VTA1: variants seen among roughly 807,000 people sequenced by gnomAD.
VTA1 encodes the protein vesicle trafficking 1.
VTA1 carries 24 observed loss-of-function variants against 36.9 expected under a neutral mutation model. The observed-to-expected ratio is 0.65, with a 90% CI of 0.47 to 0.91. VTA1 has a LOEUF of 0.91. Ranked by LOEUF, VTA1 falls within the 40% of genes least tolerant of loss-of-function variation. The probability of loss-of-function intolerance (pLI) is 0.00; values close to 1 mark genes in which losing one functional copy is unlikely to be tolerated. For missense variants in VTA1, 393 were observed against 377.2 expected (o/e 1.04, Z -0.35); for synonymous variants, 142 against 130.2 (o/e 1.09, Z -0.62).
intron 7 of VTA1, among the ~76,000 whole-genome samples, chr6:142,209,599 C>CA (rs1361299310): frequency 1.4e-5 from 2 of 142,058 alleles, no homozygotes; most frequent in African/African-American, 5.2e-5. Context: ...GAATGTAATA[C>CA]AAAAAATGTA....
intron 1 of VTA1, among the ~76,000 whole-genome samples, chr6:142,164,920 C>A (rs1411296538): frequency 6.6e-6 from 1 of 152,168 alleles, no homozygotes; most frequent in Admixed American, 6.5e-5. Flanking sequence ...ATATCCCTGT[C>A]ATCATGGAGT....
chr6:142,198,715 A>G, intron 6 of VTA1, 100 bp downstream of exon 6: 2 of 1,166,992 alleles, frequency 1.7e-6, no homozygotes, highest in Non-Finnish European at 2.3e-6. Context: ...TCATGAAAAC[A>G]TGACAAGTTC....
chr6:142,157,419 T>A (rs1778681913), intron 1 of VTA1, among the ~76,000 whole-genome samples: 1 of 152,222 alleles, frequency 6.6e-6, no homozygotes, highest in South Asian at 2.1e-4. Flanking sequence ...AATGTTGGAC[T>A]ACTGATTTAT....
chr6:142,218,355 C>CA, intron 7 of VTA1, 143 bp from the exon 8 acceptor site: 1 of 803,680 alleles, frequency 1.2e-6, no homozygotes, highest in Non-Finnish European at 1.9e-6. Flanking sequence ...GAAAATGTAT[C>CA]AAAGTTCATG....
chr6:142,159,522 ATTATT>A (rs1403019782), intron 1 of VTA1, among the ~76,000 whole-genome samples: 1 of 128,856 alleles, frequency 7.8e-6, no homozygotes, highest in East Asian at 2.3e-4. Context: ...TATTATTATT[ATTATT>A]ATTTTGAGAC....
intron 7 of VTA1, among the ~76,000 whole-genome samples, 155 bp from the exon 8 acceptor site, chr6:142,218,343 A>G (rs535803122): frequency 4.7e-4 from 71 of 152,340 alleles, no homozygotes; most frequent in Middle Eastern, 3.4e-3. Context: ...GAAAAGAATG[A>G]AGAAAATGTA....
intron 7 of VTA1, among the ~76,000 whole-genome samples, chr6:142,215,474 A>G (rs1775989979): frequency 6.6e-6 from 1 of 152,056 alleles, no homozygotes; most frequent in Non-Finnish European, 1.5e-5. Context: ...ATTAAGTGAT[A>G]TAATATCTGA....
At chr6:142,165,811 C>T (rs771498060) in intron 1 of VTA1, among the ~76,000 whole-genome samples, 7 of 152,076 alleles carry the variant, frequency 4.6e-5, no homozygotes, top group African/African-American at 1.7e-4. Flanking sequence ...TTTCTATAAA[C>T]CTCAGTTCAA....
chr6:142,168,329 G>A (rs1774960373), intron 2 of VTA1, among the ~76,000 whole-genome samples: 2 of 151,558 alleles, frequency 1.3e-5, no homozygotes, highest in South Asian at 2.1e-4. Context: ...TTAAATTTCA[G>A]CATTAAATCT....
intron 3 of VTA1, 30 bp downstream of exon 3, chr6:142,169,707 T>C: frequency 6.7e-7 from 1 of 1,500,432 alleles, no homozygotes; most frequent in Non-Finnish European, 8.8e-7. Context: ...AAAATTATTT[T>C]ATTAATTTTG....
At chr6:142,202,329 CTT>C (rs1305478201) in intron 6 of VTA1, among the ~76,000 whole-genome samples, 1 of 151,808 alleles carries the variant, frequency 6.6e-6, no homozygotes, top group Non-Finnish European at 1.5e-5. Context: ...TGCATTTATA[CTT>C]TTATACAGTT....
In VTA1 at chr6:142,178,094, A is replaced by G. The variant is rs201810117; in HGVS notation, c.411+7673A>G. Among the ~76,000 whole-genome samples the G allele has an allele frequency of 4.6e-5, 7 of 152,296 alleles. No homozygotes were observed. The East Asian group carries it at 1.2e-3, about 25-fold the overall frequency. On this transcript the variant is annotated intron_variant, in intron 4 of 7. Coordinates refer to ENST00000367630, the MANE Select transcript of VTA1 (RefSeq NM_016485.5). ...ACAGATTCAAGAAGCACAGTGGACA[A>G]TTAGGTTAATATAAAGGAAATCACA... is the stretch of plus-strand genomic sequence containing the variant.
intron 1 of VTA1, among the ~76,000 whole-genome samples, chr6:142,160,302 C>G (rs1774776266): frequency 6.6e-6 from 1 of 152,190 alleles, no homozygotes; most frequent in African/African-American, 2.4e-5. Flanking sequence ...TCTTCACTCT[C>G]TCTGGTTGGA....
In VTA1 at chr6:142,222,230, T is replaced by C. The variant is rs1776126237; in HGVS notation, c.*3587T>C. On this transcript the variant is annotated 3_prime_UTR_variant, in exon 8 of 8. Transcript: ENST00000367630. The stretch of plus-strand genomic sequence containing the variant: ...AAAGTTGCCGAATTCCTCTCTCACT[T>C]AGACTGAAGTACAATGTTTCCAAGT... The C allele has an allele frequency of 6.6e-6, 1 of 152,142 alleles. No homozygotes were observed. The highest frequency in any genetic ancestry group is 2.1e-4 in the South Asian group (1 of 4,824). 9.4% of individuals were successfully genotyped at this position (152,142 alleles called of 1,614,324 possible). A position where few individuals can be genotyped will look rare whatever the true frequency, so the allele number is the denominator to read the frequency against.
chr6:142,198,113 A>ATGTGTGTGTGTGTGTGTGTG (rs1414329840), intron 5 of VTA1, among the ~76,000 whole-genome samples: 1 of 116,970 alleles, frequency 8.5e-6, no homozygotes, highest in African/African-American at 3.6e-5. Flanking sequence ...AAATATATAT[A>ATGTGTGTGTGTGTGTGTGTG]TATATATGTG....
At position 142,189,191 on chromosome 6, in the gene VTA1, A is replaced by G. The variant is rs1257001648; in HGVS notation, c.412-235A>G. On this transcript the variant is annotated intron_variant, in intron 4 of 7. Transcript: ENST00000367630. The stretch of plus-strand genomic sequence containing the variant: ...CGTTGCATATCCTTTCTGAAATGTT[A>G]TATGATAAAAGAGAACTGGGCGTAT... Among the ~76,000 whole-genome samples the G allele has an allele frequency of 3.9e-5, 6 of 152,292 alleles. No individual in the cohort carries two copies. The South Asian group carries it at 1.0e-3, about 26-fold the overall frequency.
chr6:142,217,201 G>C (rs1324315301), intron 7 of VTA1, among the ~76,000 whole-genome samples: 2 of 152,034 alleles, frequency 1.3e-5, no homozygotes, highest in Non-Finnish European at 2.9e-5. Flanking sequence ...AATACTACTA[G>C]TTCAACAAAT....
intron 1 of VTA1, among the ~76,000 whole-genome samples, chr6:142,156,530 G>A (rs1026380421): frequency 6.6e-6 from 1 of 152,172 alleles, no homozygotes; most frequent in Non-Finnish European, 1.5e-5. Flanking sequence ...ATTCTGCCAG[G>A]TTTGGTGCTG....
At chr6:142,192,938 A>C (rs973271534) in intron 5 of VTA1, among the ~76,000 whole-genome samples, 1 of 152,090 alleles carries the variant, frequency 6.6e-6, no homozygotes. Context: ...ACTACAGTGT[A>C]CTTATCAAAA....
Sources: allele counts gnomAD v4.1 joint callset (sites outside exome capture counted in the v4.1 genomes callset), GRCh38; gene constraint gnomAD v4.1.1; transcripts MANE v1.5; gene names NCBI Gene and HGNC (gene_info 2026-07-23, HGNC 2026-07-21).